RPRD2: variants seen among roughly 807,000 people sequenced by gnomAD.
The protein encoded by RPRD2 is regulation of nuclear pre-mRNA domain containing 2.
A neutral mutation model predicts 104.4 loss-of-function variants in RPRD2; 12 were observed. That is an observed-to-expected ratio of 0.11 (90% CI 0.07 to 0.19). RPRD2 has a LOEUF of 0.19. Among genes scored for constraint, RPRD2 ranks in the 10% least tolerant of loss-of-function variants. The probability of loss-of-function intolerance (pLI) is 1.00; values close to 1 mark genes in which losing one functional copy is unlikely to be tolerated. For synonymous variants in RPRD2, 714 were observed against 684.9 expected, an observed-to-expected ratio of 1.04 and a Z score of -0.66; for missense variants, 1,543 against 1,790.1, an observed-to-expected ratio of 0.86 and a Z score of 2.49.
At chr1:150,377,576 C>T (rs587673162) in intron 1 of RPRD2, among the ~76,000 whole-genome samples, 73 of 141,346 alleles carry the variant, frequency 5.2e-4, no homozygotes, top group Non-Finnish European at 9.8e-4. Flanking sequence ...CTAGCCTGGG[C>T]GACAGAGCAA....
chr1:150,380,527 T>C (rs73017073), intron 1 of RPRD2, among the ~76,000 whole-genome samples: 7,201 of 152,148 alleles, frequency 0.047, 434 homozygotes, highest in African/African-American at 0.13. Context: ...TTTGTATTTT[T>C]CTAGTAGAGA....
chr1:150,410,822 TAGAGGTTGC>T (rs1199853637), intron 1 of RPRD2, among the ~76,000 whole-genome samples: 1 of 152,200 alleles, frequency 6.6e-6, no homozygotes, highest in Non-Finnish European at 1.5e-5. Flanking sequence ...CTCACAGTTC[TAGAGGTTGC>T]AGAGTTCAAG....
At chr1:150,392,727 C>T (rs187375530) in intron 1 of RPRD2, among the ~76,000 whole-genome samples, 2 of 152,068 alleles carry the variant, frequency 1.3e-5, no homozygotes, top group East Asian at 1.9e-4. Context: ...CCCGTAGTCC[C>T]AGTTACTGGA....
chr1:150,452,798 G>C (rs1232519384), intron 7 of RPRD2, among the ~76,000 whole-genome samples: 2 of 148,690 alleles, frequency 1.3e-5, no homozygotes, highest in Admixed American at 6.8e-5. Context: ...AGCCTCCCAA[G>C]TAGCTGGGAT....
chr1:150,468,443 A>T (rs587770668), intron 10 of RPRD2, among the ~76,000 whole-genome samples: 8 of 152,350 alleles, frequency 5.3e-5, no homozygotes, highest in African/African-American at 1.9e-4. Context: ...TATCTATCTT[A>T]AAAAGATGTT....
chr1:150,472,479 T>C lies in RPRD2; in HGVS notation c.3531T>C (p.Ser1177=). The part of the protein sequence containing the change: ...YKERAPQFQE[S]VGSFRSNSFN... Reference sequence around the variant, plus strand: ...AACGGGCACCTCAATTTCAGGAGAGTGTCGGCAGCTTTCGTTCCAACAGTT... The same window carrying C: ...AACGGGCACCTCAATTTCAGGAGAGCGTCGGCAGCTTTCGTTCCAACAGTT... The change falls in exon 11 of 11, where the codon AGT becomes AGC. Residue 1177 remains serine (S), a synonymous_variant. Coordinates refer to ENST00000369068, the MANE Select transcript of RPRD2 (RefSeq NM_015203.5). The C allele has an allele frequency of 6.2e-7, 1 of 1,613,760 alleles. No individual in the cohort carries two copies. The highest frequency in any genetic ancestry group is 8.5e-7 in the Non-Finnish European group (1 of 1,179,844).
Position 150,471,501 on chromosome 1 carries a change from G to T in RPRD2, c.2553G>T (p.Lys851Asn). 1.2e-6 allele frequency: 2 copies of T among 1,613,824 alleles called. No individual in the cohort carries two copies. Among genetic ancestry groups the T allele is most frequent in the Non-Finnish European group, 1.7e-6 (2 of 1,179,864 alleles). Residue 851 changes from lysine to asparagine, a missense_variant, in exon 11 of 11, where the codon AAG becomes AAT. Lys to Asn is a moderately conservative substitution (Grantham distance 94). This residue lies in a region of RPRD2 where 880 missense variants were observed against 885.6 expected (regional missense o/e 0.99). Transcript: ENST00000369068. The surrounding 1 kb of genome is among the most constrained non-coding windows in gnomAD (Gnocchi z 5.3). ...CCTCTGCCATGATGAACCTAGAGAAGAAACCAGCCAAATCTATCCTGAAAT... is the reference window on the plus strand; with the variant it reads ...CCTCTGCCATGATGAACCTAGAGAATAAACCAGCCAAATCTATCCTGAAAT... Reference protein sequence around the residue: ...PPPSAMMNLEKKPAKSILKSS... With the variant: ...PPPSAMMNLENKPAKSILKSS...
intron 1 of RPRD2, among the ~76,000 whole-genome samples, chr1:150,401,958 AT>A (rs58949257): frequency 0.082 from 11,075 of 135,236 alleles, 1,103 homozygotes; most frequent in African/African-American, 0.24. Flanking sequence ...TTTTTTTTTA[AT>A]TTTTTTTTTT....
chr1:150,408,370 G>A (rs781865002), intron 1 of RPRD2, among the ~76,000 whole-genome samples: 27 of 151,588 alleles, frequency 1.8e-4, no homozygotes, highest in Middle Eastern at 3.2e-3. Context: ...GTCATGCTGG[G>A]CTCAAACTCC....
intron 2 of RPRD2, among the ~76,000 whole-genome samples, chr1:150,432,628 T>TAAAAAA (rs34187447): frequency 8.8e-6 from 1 of 113,450 alleles, no homozygotes. Context: ...AAGAAAATGA[T>TAAAAAA]AAAAAAAAAA....
chr1:150,424,687 T>C (rs1342806048), intron 2 of RPRD2, among the ~76,000 whole-genome samples: 5 of 152,222 alleles, frequency 3.3e-5, no homozygotes, highest in African/African-American at 1.2e-4. Context: ...GTCCTGGGAC[T>C]AGAACCCAGA....
At chr1:150,429,361 C>G (rs1553891159) in intron 2 of RPRD2, among the ~76,000 whole-genome samples, 1 of 151,848 alleles carries the variant, frequency 6.6e-6, no homozygotes, top group Non-Finnish European at 1.5e-5. Context: ...CAGGTGTGAG[C>G]CACCACACCC....
intron 2 of RPRD2, among the ~76,000 whole-genome samples, chr1:150,436,950 T>C (rs1387035447): frequency 1.3e-5 from 2 of 151,446 alleles, no homozygotes; most frequent in Admixed American, 1.3e-4. Context: ...ACACGCCTGT[T>C]ATCCCAGCAC....
In RPRD2 at chr1:150,472,304, A is replaced by G. The variant is rs1560232317; in HGVS notation, c.3356A>G (p.His1119Arg). ...IRVPGKGNRG[H>R]GREASRVGWF... Reference sequence around the variant, plus strand: ...GTTCCTGGGAAGGGAAATAGAGGACATGGGCGTGAGGCTTCAAGGGTGGGT... The same window carrying G: ...GTTCCTGGGAAGGGAAATAGAGGACGTGGGCGTGAGGCTTCAAGGGTGGGT... The change falls in exon 11 of 11, where the codon CAT becomes CGT. Residue 1119 changes from histidine to arginine, a missense_variant. This residue lies in a region of RPRD2 where 880 missense variants were observed against 885.6 expected (regional missense o/e 0.99). Coordinates refer to ENST00000369068, the MANE Select transcript of RPRD2 (RefSeq NM_015203.5). 2.5e-6 allele frequency: 4 copies of G among 1,613,998 alleles called. No homozygotes were observed. The highest frequency in any genetic ancestry group is 3.4e-6 in the Non-Finnish European group (4 of 1,179,882).
At chr1:150,413,876 G>A (rs1274961781) in intron 1 of RPRD2, among the ~76,000 whole-genome samples, 1 of 151,832 alleles carries the variant, frequency 6.6e-6, no homozygotes, top group African/African-American at 2.4e-5. Context: ...GGTGAGCTGA[G>A]ATCATGCCAT....
chr1:150,427,916 G>C (rs1373966977), intron 2 of RPRD2, among the ~76,000 whole-genome samples: 1 of 152,086 alleles, frequency 6.6e-6, no homozygotes, highest in African/African-American at 2.4e-5. Context: ...TTACTTTGGT[G>C]TGTAAAACAA....
intron 1 of RPRD2, among the ~76,000 whole-genome samples, chr1:150,408,364 T>C (rs1026154541): frequency 4.0e-5 from 6 of 151,842 alleles, no homozygotes; most frequent in African/African-American, 1.5e-4. Flanking sequence ...ATGTTGGTCA[T>C]GCTGGGCTCA....
chr1:150,439,950 C>T (rs1560204225), intron 2 of RPRD2, among the ~76,000 whole-genome samples: 1 of 151,724 alleles, frequency 6.6e-6, no homozygotes, highest in Non-Finnish European at 1.5e-5. Flanking sequence ...AATTATTTCT[C>T]ATTCACTTCT....
chr1:150,391,431 G>A lies in RPRD2; in HGVS notation c.206-26165G>A, dbSNP rs78159778. ...GGCCTCACAAAGTGCTGGGATTATA[G>A]GTGTGAGCCACCACACTGGCCCATT... On this transcript the variant is annotated intron_variant, in intron 1 of 10. Transcript: ENST00000369068. 4.0e-3 allele frequency among the ~76,000 whole-genome samples: 607 copies of A among 152,224 alleles called. 8 individuals are homozygous for A. The highest frequency in any genetic ancestry group is 0.031 in the East Asian group (160 of 5,192).
Sources: gnomAD v4.1 joint callset for allele counts (sites outside exome capture counted in the v4.1 genomes callset) on GRCh38, gnomAD v4.1.1 for gene constraint, gnomAD v4.1.1 regional missense constraint, Gnocchi (gnomAD v3.1) non-coding constraint, MANE v1.5 for transcripts, NCBI Gene and HGNC (gene_info 2026-07-23, HGNC 2026-07-21) for gene names.